Variants in USP53 observed in about 807,000 individuals in gnomAD.
The protein encoded by USP53 is ubiquitin specific peptidase 53, also known as ubiquitin carboxyl-terminal hydrolase 53.
Under a neutral mutation model 94.9 loss-of-function variants are expected in USP53, and 71 were observed. The ratio of observed to expected loss-of-function variants is 0.75; its 90% CI spans 0.62 to 0.91. The LOEUF is 0.91. Ranked by LOEUF, USP53 falls within the 40% of genes least tolerant of loss-of-function variation. The pLI is 0.00. For missense variants in USP53, 1,173 were observed against 1,281.0 expected (o/e 0.92, Z 1.29); for synonymous variants, 375 against 422.7 (o/e 0.89, Z 1.39).
At chr4:119,283,108 T>A (rs755966854) in intron 17 of USP53, among the ~76,000 whole-genome samples, 20 of 152,098 alleles carry the variant, frequency 1.3e-4, no homozygotes, top group Non-Finnish European at 2.5e-4. Context: ...AATTCATCCC[T>A]ACACTGCCTA....
chr4:119,267,762 T>G (rs1751327905), intron 13 of USP53, among the ~76,000 whole-genome samples: 1 of 152,230 alleles, frequency 6.6e-6, no homozygotes, highest in East Asian at 1.9e-4. Flanking sequence ...AGTGATTTAG[T>G]AAACTGGAAA....
At chr4:119,246,353 T>A (rs1231734673) in intron 6 of USP53, among the ~76,000 whole-genome samples, 1 of 152,138 alleles carries the variant, frequency 6.6e-6, no homozygotes, top group Non-Finnish European at 1.5e-5. Flanking sequence ...TGAGCCACCA[T>A]GATGAGGAAG....
In USP53 at chr4:119,278,463, G is replaced by C. The variant is rs1578555255; in HGVS notation, c.2251+4755G>C. 5.5e-5 allele frequency among the ~76,000 whole-genome samples: 8 copies of C among 145,880 alleles called. No homozygotes were observed. The South Asian group carries it at 1.6e-3, about 29-fold the overall frequency. On this transcript the variant is annotated intron_variant, in intron 17 of 18. Transcript: ENST00000692078. Reference sequence around the variant, plus strand: ...TTCTGGCTTGTAGGGTTTCTGCCGAGAGATCCACTGTTAGTCTGATGGGCT... The same window carrying C: ...TTCTGGCTTGTAGGGTTTCTGCCGACAGATCCACTGTTAGTCTGATGGGCT...
At chr4:119,245,161 T>C (rs1748056236) in intron 5 of USP53, among the ~76,000 whole-genome samples, 176 bp from the exon 6 acceptor site, 2 of 152,232 alleles carry the variant, frequency 1.3e-5, no homozygotes, top group Non-Finnish European at 2.9e-5. Flanking sequence ...AACATGCATG[T>C]AGCAATTTTA....
intron 12 of USP53, 75 bp from the exon 13 acceptor site, chr4:119,267,245 C>A: frequency 7.0e-7 from 1 of 1,426,302 alleles, no homozygotes; most frequent in South Asian, 1.4e-5. Flanking sequence ...TAAAGTAACT[C>A]AGAGTCTGTC....
chr4:119,232,808 G>C (rs1015028318), intron 3 of USP53, among the ~76,000 whole-genome samples: 2 of 152,084 alleles, frequency 1.3e-5, no homozygotes, highest in Non-Finnish European at 2.9e-5. Flanking sequence ...TTGATATTAA[G>C]GGTATGTTAG....
At chr4:119,278,401 T>G (rs1399229861) in intron 17 of USP53, among the ~76,000 whole-genome samples, 1 of 148,158 alleles carries the variant, frequency 6.7e-6, no homozygotes, top group Non-Finnish European at 1.5e-5. Context: ...TTGAAAATTC[T>G]TTTCTTTAAG....
chr4:119,266,281 T>C (rs1192046930), intron 12 of USP53: 1 of 456,128 alleles, frequency 2.2e-6, no homozygotes, highest in Non-Finnish European at 4.4e-6. Flanking sequence ...GTGAACATAT[T>C]TTTTTCCGTT....
Position 119,271,655 on chromosome 4 carries a change from G to A in USP53, c.1795G>A (p.Glu599Lys). The part of the protein sequence containing the change: ...ETLNVDSIFS[E>K]SEKRQHSPRH... Reference sequence around the variant, plus strand: ...ATTAAATGTTGATAGTATTTTTAGTGAAAGTGAAAAAAGACAGCATAGTCC... The same window carrying A: ...ATTAAATGTTGATAGTATTTTTAGTAAAAGTGAAAAAAGACAGCATAGTCC... Residue 599 changes from glutamate (E) to lysine (K), a missense_variant, in exon 16 of 19, where the codon GAA becomes AAA. By Grantham distance (56) the Glu-to-Lys change is moderately conservative. Transcript: ENST00000692078. The A allele has an allele frequency of 6.2e-7, 1 of 1,613,264 alleles. No individual in the cohort carries two copies.
intron 5 of USP53, among the ~76,000 whole-genome samples, chr4:119,242,538 A>G (rs781633426): frequency 1.3e-5 from 2 of 152,094 alleles, no homozygotes; most frequent in Non-Finnish European, 2.9e-5. Flanking sequence ...CAGGCCTCAG[A>G]CAGTTTCCTC....
At position 119,273,187 on chromosome 4, in the gene USP53, T is replaced by C. The variant is rs1173988336; in HGVS notation, c.2175-445T>C. The C allele has an allele frequency of 2.0e-5, 3 of 153,444 alleles. No homozygotes were observed. In the East Asian group the frequency reaches 5.8e-4, roughly 29 times the overall value. The allele number at this position is 153,444 out of a possible 1,614,324, so 9.5% of individuals were successfully genotyped here. A position where few individuals can be genotyped will look rare whatever the true frequency, so the allele number is the denominator to read the frequency against. On this transcript the variant is annotated intron_variant, in intron 16 of 18. Coordinates refer to ENST00000692078, the MANE Select transcript of USP53 (RefSeq NM_001371395.1). ...AATATTAGCCAGGTATTGTGGCATA[T>C]GCCTGTGGTCCCAGCTACTTGGGAG...
intron 16 of USP53, chr4:119,273,370 G>T (rs1320213316): frequency 7.9e-6 from 2 of 252,838 alleles, no homozygotes; most frequent in Non-Finnish European, 1.5e-5. Flanking sequence ...TTGGAATGGA[G>T]TAGCCTAGGG....
intron 1 of USP53, among the ~76,000 whole-genome samples, chr4:119,213,660 A>ATATATATATATGTGTGTGTGTGTGTG: frequency 5.1e-5 from 6 of 117,790 alleles, no homozygotes; most frequent in African/African-American, 1.4e-4. Context: ...ATATATATAT[A>ATATATATATATGTGTGTGTGTGTGTG]TGTGTGTGTG....
chr4:119,231,528 G>A (rs1425349990), intron 3 of USP53, among the ~76,000 whole-genome samples: 2 of 152,080 alleles, frequency 1.3e-5, no homozygotes, highest in African/African-American at 4.8e-5. Flanking sequence ...TGATAGAAAC[G>A]AAGCAGCTTT....
intron 17 of USP53, among the ~76,000 whole-genome samples, chr4:119,278,297 T>C (rs1752938247): frequency 6.6e-6 from 1 of 152,084 alleles, no homozygotes; most frequent in South Asian, 2.1e-4. Context: ...GCAGGCCTAG[T>C]GGTGACAAAA....
In USP53 at chr4:119,271,548, G is replaced by C. The variant is rs372366058; in HGVS notation, c.1688G>C (p.Ser563Thr). 4 of 1,613,654 alleles carry C rather than the reference G, an allele frequency of 2.5e-6. No homozygotes were observed. The highest frequency in any genetic ancestry group is 1.7e-5 in the Admixed American group (1 of 59,994). Residue 563 changes from serine to threonine, a missense_variant, in exon 16 of 19, where the codon AGC becomes ACC. By Grantham distance (58) the Ser-to-Thr change is moderately conservative. Coordinates refer to ENST00000692078, the MANE Select transcript of USP53 (RefSeq NM_001371395.1). ...DNGTGYDTDS[S>T]QDSRDRGNSC... is the part of the protein sequence containing the mutation. ...GGCACTGGATATGACACAGACAGCA[G>C]CCAAGATTCTAGGGATAGAGGAAAC...
intron 17 of USP53, 94 bp from the exon 18 acceptor site, chr4:119,291,071 T>C: frequency 1.6e-6 from 1 of 611,676 alleles, no homozygotes. Context: ...AAGCTTTATG[T>C]AAATATAGAA....
chr4:119,239,276 GGAAA>G lies in USP53; in HGVS notation c.-481_-478del, dbSNP rs1171403350. 6.6e-6 allele frequency: 1 copy of G among 151,840 alleles called. No homozygotes were observed. Among genetic ancestry groups the G allele is most frequent in the Non-Finnish European group, 1.5e-5 (1 of 68,392 alleles). The allele number at this position is 151,840 out of a possible 1,614,324, so 9.4% of individuals were successfully genotyped here. ...GAGTCACCTTTTATAACTTCACCTGGGAAAGAGAGAGAAAACTTTCTTGTTAAAA... is the reference window on the plus strand; with the variant it reads ...GAGTCACCTTTTATAACTTCACCTGGGAGAGAGAAAACTTTCTTGTTAAAA... On this transcript the variant is annotated 5_prime_UTR_variant, in exon 5 of 19. It removes the in-frame stop codon of an upstream open reading frame in the 5' UTR. Transcript: ENST00000692078.
chr4:119,286,584 C>T (rs1443156873), intron 17 of USP53, among the ~76,000 whole-genome samples: 1 of 151,928 alleles, frequency 6.6e-6, no homozygotes, highest in Non-Finnish European at 1.5e-5. Flanking sequence ...ACCTATGCTG[C>T]CTCCTGCTGC....
Sources: gnomAD v4.1 joint callset for allele counts (sites outside exome capture counted in the v4.1 genomes callset) on GRCh38, gnomAD v4.1.1 for gene constraint, MANE v1.5 for transcripts, NCBI Gene and HGNC (gene_info 2026-07-23, HGNC 2026-07-21) for gene names.